Variants in KIF2A observed in about 807,000 individuals in gnomAD.
KIF2A encodes kinesin-like protein KIF2A.
KIF2A carries 22 observed loss-of-function variants against 100.2 expected under a neutral mutation model. That is an observed-to-expected ratio of 0.22 (90% CI 0.16 to 0.31). The LOEUF (loss-of-function observed/expected upper bound fraction) is 0.31, where lower values mean the gene tolerates loss of function less well. Ranked by LOEUF, KIF2A falls within the 10% of genes least tolerant of loss-of-function variation. The probability of loss-of-function intolerance (pLI) is 1.00; values close to 1 mark genes in which losing one functional copy is unlikely to be tolerated. For synonymous variants in KIF2A, 268 were observed against 285.9 expected, an observed-to-expected ratio of 0.94 and a Z score of 0.63; for missense variants, 495 against 898.7, an observed-to-expected ratio of 0.55 and a Z score of 5.74.
At chr5:62,381,087 T>G in intron 19 of KIF2A, 31 bp from the exon 20 acceptor site, 1 of 1,573,424 alleles carries the variant, frequency 6.4e-7, no homozygotes, top group African/African-American at 1.4e-5. Context: ...ACAAAGATGC[T>G]TATTGGATTA....
chr5:62,322,150 A>C (rs549713609), intron 1 of KIF2A, among the ~76,000 whole-genome samples: 191 of 151,542 alleles, frequency 1.3e-3, no homozygotes, highest in African/African-American at 4.4e-3. Context: ...CAGGCTGGTC[A>C]GACTCCTGGG....
chr5:62,390,199 C>T lies in KIF2A; in HGVS notation c.*4630C>T, dbSNP rs1742238991. 6.6e-6 allele frequency among the ~76,000 whole-genome samples: 1 copy of T among 152,164 alleles called. No homozygotes were observed. The highest frequency in any genetic ancestry group is 2.4e-5 in the African/African-American group (1 of 41,440). ...ATAGGCAAGACCTTCTGAAAGTTAA[C>T]ATCTTAATGATTAAAAACAGTAAGT... is the stretch of plus-strand genomic sequence containing the variant. On this transcript the variant is annotated 3_prime_UTR_variant, in exon 21 of 21. Transcript: ENST00000407818.
At chr5:62,371,753 C>T (rs1741338575) in intron 16 of KIF2A, among the ~76,000 whole-genome samples, 1 of 151,974 alleles carries the variant, frequency 6.6e-6, no homozygotes, top group Non-Finnish European at 1.5e-5. Flanking sequence ...AGGGTTGGCC[C>T]AAAAGAGACA....
intron 1 of KIF2A, among the ~76,000 whole-genome samples, chr5:62,307,487 A>G (rs1745367462): frequency 6.6e-6 from 1 of 152,174 alleles, no homozygotes; most frequent in African/African-American, 2.4e-5. Flanking sequence ...CAGACTGGAA[A>G]TAATTCATAT....
chr5:62,360,552 G>T (rs182959449), intron 9 of KIF2A, among the ~76,000 whole-genome samples: 1 of 152,234 alleles, frequency 6.6e-6, no homozygotes, highest in African/African-American at 2.4e-5. Context: ...GGGTGTGGTG[G>T]CAGGTGCCTG....
At chr5:62,313,933 A>AGG (rs1260177296) in intron 1 of KIF2A, among the ~76,000 whole-genome samples, 13 of 151,980 alleles carry the variant, frequency 8.6e-5, no homozygotes, top group Non-Finnish European at 1.8e-4. Context: ...CTAGGACTAC[A>AGG]GGTATGCACA....
At chr5:62,346,012 A>C (rs1231281609) in intron 1 of KIF2A, among the ~76,000 whole-genome samples, 1 of 152,142 alleles carries the variant, frequency 6.6e-6, no homozygotes, top group Non-Finnish European at 1.5e-5. Flanking sequence ...ACAAGTACAT[A>C]ATGACAAATA....
chr5:62,383,865 C>T (rs1482914139), intron 20 of KIF2A, among the ~76,000 whole-genome samples: 1 of 152,064 alleles, frequency 6.6e-6, no homozygotes, highest in Non-Finnish European at 1.5e-5. Context: ...CAAGCATATC[C>T]ATAACTTTTA....
At chr5:62,341,676 C>T (rs1029309084) in intron 1 of KIF2A, among the ~76,000 whole-genome samples, 5 of 152,004 alleles carry the variant, frequency 3.3e-5, no homozygotes, top group South Asian at 2.1e-4. Context: ...TGTGAATTTG[C>T]GACCTGTAGT....
chr5:62,374,872 A>G (rs1004141816), intron 18 of KIF2A, among the ~76,000 whole-genome samples: 10 of 152,162 alleles, frequency 6.6e-5, no homozygotes, highest in African/African-American at 2.2e-4. Flanking sequence ...GGTTGCAGTG[A>G]GCTGAGATCC....
intron 18 of KIF2A, among the ~76,000 whole-genome samples, chr5:62,376,664 G>A (rs1055613103): frequency 7.3e-5 from 11 of 151,670 alleles, no homozygotes; most frequent in African/African-American, 2.4e-4. Flanking sequence ...CAAGTGATCC[G>A]CCCGCCTCAG....
chr5:62,348,466 A>G (rs1747685031), intron 3 of KIF2A, among the ~76,000 whole-genome samples: 1 of 152,200 alleles, frequency 6.6e-6, no homozygotes, highest in Non-Finnish European at 1.5e-5. Flanking sequence ...TTGTTGAATG[A>G]AGACATATGA....
Position 62,323,537 on chromosome 5 carries a change from A to G in KIF2A, c.64+17001A>G, listed in dbSNP as rs186062969. On this transcript the variant is annotated intron_variant, in intron 1 of 20. Coordinates refer to ENST00000407818, the MANE Select transcript of KIF2A (RefSeq NM_001098511.3). The stretch of plus-strand genomic sequence containing the variant: ...GACTCTGTCTCAAAGAAAAAAAAAA[A>G]AAAGAAGAATGTTAAAAACACATAA... 2.3e-3 allele frequency among the ~76,000 whole-genome samples: 343 copies of G among 151,960 alleles called. 1 individual carries two copies. The highest frequency in any genetic ancestry group is 7.7e-3 in the African/African-American group (321 of 41,448).
At chr5:62,324,958 A>C (rs1481104040) in intron 1 of KIF2A, among the ~76,000 whole-genome samples, 1 of 152,180 alleles carries the variant, frequency 6.6e-6, no homozygotes, top group African/African-American at 2.4e-5. Context: ...CATATGACAA[A>C]GGTCTCATTT....
At chr5:62,343,553 T>C (rs893492543) in intron 1 of KIF2A, among the ~76,000 whole-genome samples, 3 of 152,198 alleles carry the variant, frequency 2.0e-5, no homozygotes, top group East Asian at 1.9e-4. Flanking sequence ...GAAAGGACTT[T>C]AGCTTCTACT....
rs1741761021 is a variant in KIF2A at position 62,381,267 on chromosome 5, C to T, written c.2149+14C>T. The T allele has an allele frequency of 6.2e-7, 1 of 1,608,522 alleles. No individual in the cohort carries two copies. Among genetic ancestry groups the T allele is most frequent in the African/African-American group, 1.3e-5 (1 of 74,744 alleles). On this transcript the variant is annotated intron_variant, in intron 20 of 20. Coordinates refer to ENST00000407818, the MANE Select transcript of KIF2A (RefSeq NM_001098511.3). ...CTGAACTGCGGGGTAATTCTTTTTCCATTTTAATGTTTGAAATCTGATTGG... is the reference window on the plus strand; with the variant it reads ...CTGAACTGCGGGGTAATTCTTTTTCTATTTTAATGTTTGAAATCTGATTGG...
chr5:62,358,533 T>C (rs905557357), intron 9 of KIF2A, among the ~76,000 whole-genome samples: 4 of 152,188 alleles, frequency 2.6e-5, no homozygotes, highest in African/African-American at 9.6e-5. Context: ...ATTACACATA[T>C]ATATACATAT....
In KIF2A at chr5:62,389,697, A is replaced by C. The variant is rs1393680176; in HGVS notation, c.*4128A>C. Among the ~76,000 whole-genome samples the C allele has an allele frequency of 6.6e-6, 1 of 152,116 alleles. No homozygotes were observed. The highest frequency in any genetic ancestry group is 1.5e-5 in the Non-Finnish European group (1 of 68,030). On this transcript the variant is annotated 3_prime_UTR_variant, in exon 21 of 21. Coordinates refer to ENST00000407818, the MANE Select transcript of KIF2A (RefSeq NM_001098511.3). ...ACAAGAAGCTGTTTGGAATTGGCAG[A>C]AGTCAGATGAAAAACCAATCTTACA...
chr5:62,308,605 G>A, intron 1 of KIF2A: 1 of 700,158 alleles, frequency 1.4e-6, no homozygotes, highest in Non-Finnish European at 2.6e-6. Flanking sequence ...CTTAAAAAAG[G>A]AGATCCTACT....
Sources: gnomAD v4.1 joint callset for allele counts (sites outside exome capture counted in the v4.1 genomes callset) on GRCh38, gnomAD v4.1.1 for gene constraint, MANE v1.5 for transcripts, NCBI Gene and HGNC (gene_info 2026-07-23, HGNC 2026-07-21) for gene names.